The following HADH variants were observed in gnomAD, a reference collection of about 807,000 sequenced individuals.
HADH encodes hydroxyacyl-coenzyme A dehydrogenase, mitochondrial.
A neutral mutation model predicts 32.2 loss-of-function variants in HADH; 24 were observed. The observed-to-expected ratio is 0.75, with a 90% CI of 0.54 to 1.05. The LOEUF (loss-of-function observed/expected upper bound fraction) is 1.05. HADH is among the 50% of genes least tolerant of loss of function. The probability of loss-of-function intolerance (pLI) is 0.00; values close to 1 mark genes in which losing one functional copy is unlikely to be tolerated. For missense variants in HADH, 350 were observed against 397.1 expected, an observed-to-expected ratio of 0.88 and a Z score of 1.01; for synonymous variants, 139 against 152.5, an observed-to-expected ratio of 0.91 and a Z score of 0.65.
At chr4:108,034,021 C>T (rs1736370200) in intron 7 of HADH, among the ~76,000 whole-genome samples, 2 of 152,254 alleles carry the variant, frequency 1.3e-5, no homozygotes, top group African/African-American at 2.4e-5. Flanking sequence ...GGCCAGGCTT[C>T]AGGCAGCACA....
chr4:108,013,816 T>G (rs1159223634), intron 2 of HADH, among the ~76,000 whole-genome samples: 2 of 152,216 alleles, frequency 1.3e-5, no homozygotes, highest in Non-Finnish European at 2.9e-5. Flanking sequence ...TAATTTCACC[T>G]GCGAATGTCT....
chr4:108,017,128 T>C (rs1429360741), intron 3 of HADH, among the ~76,000 whole-genome samples: 1 of 152,138 alleles, frequency 6.6e-6, no homozygotes, highest in Non-Finnish European at 1.5e-5. Context: ...AGCAGCCGTA[T>C]TGAGAGGTAC....
intron 6 of HADH, 184 bp downstream of exon 6, chr4:108,027,944 C>A: frequency 1.6e-6 from 1 of 637,094 alleles, no homozygotes. Context: ...CCCAGGGCCT[C>A]CTGGCTTCCC....
intron 1 of HADH, among the ~76,000 whole-genome samples, chr4:108,003,580 G>A (rs1420125241): frequency 3.3e-5 from 5 of 152,242 alleles, no homozygotes; most frequent in East Asian, 1.9e-4. Context: ...AGGTGATTAA[G>A]GAGGATCCTT....
At chr4:108,027,636 T>C in intron 5 of HADH, 52 bp from the exon 6 acceptor site, 1 of 1,098,790 alleles carries the variant, frequency 9.1e-7, no homozygotes, top group Non-Finnish European at 1.4e-6. Flanking sequence ...TCACAAAAGA[T>C]ACCATTTAAT....
chr4:107,992,820 A>G (rs1347579297), intron 1 of HADH, among the ~76,000 whole-genome samples: 1 of 152,172 alleles, frequency 6.6e-6, no homozygotes, highest in Non-Finnish European at 1.5e-5. Context: ...CTGCCTTTAT[A>G]ATAATTATCT....
At chr4:108,015,172 G>A (rs527555101) in intron 3 of HADH, among the ~76,000 whole-genome samples, 7 of 152,238 alleles carry the variant, frequency 4.6e-5, no homozygotes, top group African/African-American at 1.7e-4. Flanking sequence ...GGATCGCATG[G>A]TAGTTCTGTT....
intron 6 of HADH, chr4:108,028,500 C>T (rs551519855): frequency 2.0e-5 from 4 of 196,950 alleles, no homozygotes; most frequent in Admixed American, 1.2e-4. Flanking sequence ...CATAAATGCT[C>T]ACTCCTGAGA....
chr4:107,989,950 G>A lies in HADH; in HGVS notation c.18G>A (p.Arg6=), dbSNP rs146017663. The change falls in exon 1 of 8, where the codon AGG becomes AGA. Residue 6 remains arginine (R), a synonymous_variant. Coordinates refer to ENST00000309522, the MANE Select transcript of HADH (RefSeq NM_005327.7). MAFVT[R]QFMRSVSSSS... ...GCCACACCATGGCCTTCGTCACCAG[G>A]CAGTTCATGCGTTCCGTGTCCTCCT... 9.2e-5 allele frequency: 149 copies of A among 1,612,966 alleles called. No individual in the cohort carries two copies. The African/African-American group carries it at 1.9e-3, about 20-fold the overall frequency.
chr4:108,012,754 A>G (rs919143118), intron 2 of HADH, among the ~76,000 whole-genome samples: 4 of 152,268 alleles, frequency 2.6e-5, no homozygotes, highest in Non-Finnish European at 5.9e-5. Context: ...CTAAGAACAT[A>G]AAGTACATTG....
At chr4:108,018,873 T>G (rs1298268) in intron 3 of HADH, among the ~76,000 whole-genome samples, 4,159 of 152,106 alleles carry the variant, frequency 0.027, 77 homozygotes, top group Middle Eastern at 0.041. Context: ...CTAAATTTGG[T>G]TTAAGTCAGT....
intron 1 of HADH, among the ~76,000 whole-genome samples, chr4:108,000,534 A>G (rs931751269): frequency 3.9e-5 from 6 of 152,204 alleles, no homozygotes. Flanking sequence ...CTGAGCAGCC[A>G]TTGGTGGTTC....
intron 3 of HADH, among the ~76,000 whole-genome samples, chr4:108,019,007 T>A (rs1735792907): frequency 6.6e-6 from 1 of 152,230 alleles, no homozygotes; most frequent in Non-Finnish European, 1.5e-5. Flanking sequence ...TTGTTTTCAT[T>A]TTAATTCCCA....
intron 6 of HADH, chr4:108,030,848 T>G (rs1736237915): frequency 6.6e-6 from 1 of 152,248 alleles, no homozygotes; most frequent in South Asian, 2.1e-4. Flanking sequence ...TCTCTGTATT[T>G]TGTTTCTCTG....
At chr4:108,029,836 C>A in intron 6 of HADH, 1 of 152,596 alleles carries the variant, frequency 6.6e-6, no homozygotes, top group Non-Finnish European at 1.5e-5. Context: ...CAGCTCCGTC[C>A]TCACTCTTCC....
At chr4:108,028,557 T>C (rs1027298192) in intron 6 of HADH, 2 of 288,628 alleles carry the variant, frequency 6.9e-6, no homozygotes, top group Non-Finnish European at 1.3e-5. Context: ...TCCAGAGAGA[T>C]GAAAGCACAT....
At chr4:108,005,211 T>C (rs1735255714) in intron 1 of HADH, 1 of 239,928 alleles carries the variant, frequency 4.2e-6, no homozygotes, top group South Asian at 6.2e-5. Context: ...AATTTGCCTT[T>C]TTTTGGATGA....
chr4:108,014,799 C>G (rs1380141671), intron 3 of HADH, among the ~76,000 whole-genome samples: 3 of 152,120 alleles, frequency 2.0e-5, no homozygotes, highest in African/African-American at 7.2e-5. Context: ...CCTCGCCACC[C>G]TCCCACCTTT....
chr4:108,004,851 G>A (rs1291800380), intron 1 of HADH: 11 of 1,535,742 alleles, frequency 7.2e-6, no homozygotes, highest in Non-Finnish European at 9.6e-6. Context: ...ACCCTGCGGA[G>A]ATGTTAAGGG....
Sources: allele counts gnomAD v4.1 joint callset (sites outside exome capture counted in the v4.1 genomes callset), GRCh38; gene constraint gnomAD v4.1.1; transcripts MANE v1.5; gene names NCBI Gene and HGNC (gene_info 2026-07-23, HGNC 2026-07-21).